HPSE2: variants seen among roughly 807,000 people sequenced by gnomAD.
HPSE2 encodes the protein inactive heparanase-2.
In HPSE2, 38 loss-of-function variants were observed where a neutral mutation model predicts 60.5. That is an observed-to-expected ratio of 0.63 (90% CI 0.48 to 0.82). The LOEUF (loss-of-function observed/expected upper bound fraction) is 0.82. HPSE2 is among the 40% of genes least tolerant of loss of function. HPSE2 has a pLI of 0.00. For synonymous variants in HPSE2, 295 were observed against 293.2 expected, an observed-to-expected ratio of 1.01 and a Z score of -0.06; for missense variants, 713 against 740.4, an observed-to-expected ratio of 0.96 and a Z score of 0.43.
At chr10:98,516,072 C>T (rs897902252) in intron 9 of HPSE2, among the ~76,000 whole-genome samples, 6 of 152,204 alleles carry the variant, frequency 3.9e-5, no homozygotes, top group African/African-American at 1.4e-4. Flanking sequence ...TGCCTGTTTA[C>T]CTGTCCTCTC....
At chr10:98,563,845 A>G (rs537745349) in intron 9 of HPSE2, among the ~76,000 whole-genome samples, 96 of 152,274 alleles carry the variant, frequency 6.3e-4, no homozygotes, top group African/African-American at 2.3e-3. Context: ...ACTTTCCACA[A>G]ATGTTATAAG....
chr10:98,901,613 G>T (rs996060432), intron 3 of HPSE2, among the ~76,000 whole-genome samples: 1 of 152,098 alleles, frequency 6.6e-6, no homozygotes, highest in Non-Finnish European at 1.5e-5. Context: ...GCCAAGTTCT[G>T]CCCTCTGGAA....
intron 3 of HPSE2, among the ~76,000 whole-genome samples, chr10:98,894,928 C>G (rs1373335332): frequency 6.6e-6 from 1 of 151,822 alleles, no homozygotes; most frequent in African/African-American, 2.4e-5. Flanking sequence ...TCTGACCTCT[C>G]AGAAGCAACA....
chr10:99,026,437 C>T (rs1957379612), intron 3 of HPSE2, among the ~76,000 whole-genome samples: 1 of 151,974 alleles, frequency 6.6e-6, no homozygotes, highest in South Asian at 2.1e-4. Context: ...AATATATATG[C>T]ACCCAACACT....
At chr10:98,877,896 A>C (rs1952919798) in intron 3 of HPSE2, among the ~76,000 whole-genome samples, 1 of 151,894 alleles carries the variant, frequency 6.6e-6, no homozygotes, top group South Asian at 2.1e-4. Context: ...TACAGAAATA[A>C]ACAAAACAAA....
rs1354108773 is a variant in HPSE2 at position 98,721,732 on chromosome 10, C to T, written c.881G>A (p.Arg294Gln). 7 of 1,613,496 alleles carry T rather than the reference C, an allele frequency of 4.3e-6. No homozygotes were observed. The highest frequency in any genetic ancestry group is 1.3e-5 in the African/African-American group (1 of 74,798). Residue 294 changes from arginine to glutamine, a missense_variant, in exon 5 of 12, where the codon CGG (arginine) becomes CAG (glutamine). Transcript: ENST00000370552. Reference protein sequence around the residue: ...IQLKSLLQPIRIYSRASLYGP... With the variant: ...IQLKSLLQPIQIYSRASLYGP... ...ATATAAGCTGGCTCTGGAATAAATC[C>T]GGATGGGCTGCAACAGGCTCTTCAG...
chr10:99,123,392 T>C (rs1333915701), intron 3 of HPSE2, among the ~76,000 whole-genome samples: 2 of 152,226 alleles, frequency 1.3e-5, no homozygotes, highest in African/African-American at 4.8e-5. Flanking sequence ...AACAATTAGA[T>C]GTTTTTTAGC....
At chr10:98,646,977 T>G (rs1436769815) in intron 6 of HPSE2, among the ~76,000 whole-genome samples, 1 of 152,234 alleles carries the variant, frequency 6.6e-6, no homozygotes, top group Non-Finnish European at 1.5e-5. Flanking sequence ...AGTTTTTTAA[T>G]AAACCTGTAC....
At chr10:99,220,413 T>C (rs981229357) in intron 2 of HPSE2, among the ~76,000 whole-genome samples, 2 of 152,208 alleles carry the variant, frequency 1.3e-5, no homozygotes, top group African/African-American at 4.8e-5. Context: ...TGTGATTCTA[T>C]CTATATACTT....
intron 3 of HPSE2, among the ~76,000 whole-genome samples, chr10:98,773,763 C>G (rs1464063269): frequency 1.3e-5 from 2 of 152,080 alleles, no homozygotes; most frequent in African/African-American, 2.4e-5. Context: ...AATAAAGGTA[C>G]TATAGAAAAA....
intron 3 of HPSE2, among the ~76,000 whole-genome samples, chr10:99,123,846 G>T (rs1311915375): frequency 1.3e-5 from 2 of 152,150 alleles, no homozygotes; most frequent in Admixed American, 6.5e-5. Flanking sequence ...GAGACCTTCA[G>T]TGGGTAGCTC....
chr10:99,261,881 GC>G, the HPSE2 span, among the ~76,000 whole-genome samples: 1 of 152,154 alleles, frequency 6.6e-6, no homozygotes, highest in African/African-American at 2.4e-5. Flanking sequence ...CAAAAATCTG[GC>G]CACTGTGCCA....
chr10:98,910,702 C>T (rs1358830382), intron 3 of HPSE2, among the ~76,000 whole-genome samples: 1 of 152,154 alleles, frequency 6.6e-6, no homozygotes, highest in Non-Finnish European at 1.5e-5. Flanking sequence ...AGTGTTTCTA[C>T]ATCACATACT....
At position 98,866,426 on chromosome 10, in the gene HPSE2, G is replaced by A. The variant is rs1038967460; in HGVS notation, c.611-122370C>T. Among the ~76,000 whole-genome samples, 21 of 151,940 alleles carry A rather than the reference G, an allele frequency of 1.4e-4. 1 individual carries two copies. Among genetic ancestry groups the A allele is most frequent in the Admixed American group, 1.4e-3 (21 of 15,244 alleles). ...GATAATTGGTGTCTTAGAACAGAGAGAAGAAAGGTCAGAAAAATATATTTG... is the reference window on the plus strand; with the variant it reads ...GATAATTGGTGTCTTAGAACAGAGAAAAGAAAGGTCAGAAAAATATATTTG... On this transcript the variant is annotated intron_variant, in intron 3 of 11. Transcript: ENST00000370552.
chr10:99,046,957 A>G (rs1957869781), intron 3 of HPSE2, among the ~76,000 whole-genome samples: 1 of 152,204 alleles, frequency 6.6e-6, no homozygotes, highest in Non-Finnish European at 1.5e-5. Flanking sequence ...CAAAATTAGA[A>G]AAAGATATTC....
intron 2 of HPSE2, among the ~76,000 whole-genome samples, chr10:99,175,248 T>A (rs542255468): frequency 7.8e-4 from 118 of 152,080 alleles, no homozygotes; most frequent in Non-Finnish European, 1.5e-3. Context: ...ACTCCAGTGG[T>A]TCCTGGACCA....
chr10:99,081,211 A>C (rs187962089), intron 3 of HPSE2, among the ~76,000 whole-genome samples: 1 of 152,384 alleles, frequency 6.6e-6, no homozygotes, highest in East Asian at 1.9e-4. Flanking sequence ...TGTTCTGGTA[A>C]GAAAGAAATA....
chr10:99,169,848 G>A (rs1847241438), intron 2 of HPSE2, among the ~76,000 whole-genome samples: 1 of 152,070 alleles, frequency 6.6e-6, no homozygotes, highest in African/African-American at 2.4e-5. Context: ...AGTATTTTAG[G>A]TTTTGTGGGT....
At chr10:99,276,104 G>A in the HPSE2 span, among the ~76,000 whole-genome samples, 4 of 152,030 alleles carry the variant, frequency 2.6e-5, no homozygotes, top group Non-Finnish European at 4.4e-5. Flanking sequence ...ATAGTGCTTC[G>A]CCTGTAGTAA....
Sources: allele counts gnomAD v4.1 joint callset (sites outside exome capture counted in the v4.1 genomes callset), GRCh38; gene constraint gnomAD v4.1.1; transcripts MANE v1.5; gene names NCBI Gene and HGNC (gene_info 2026-07-23, HGNC 2026-07-21).